Variants in LMO7 observed in about 807,000 individuals in gnomAD.
LMO7 encodes LIM domain only protein 7.
A neutral mutation model predicts 206.5 loss-of-function variants in LMO7; 120 were observed. The observed-to-expected ratio is 0.58, with a 90% CI of 0.50 to 0.68. LMO7 has a LOEUF of 0.68. Among genes scored for constraint, LMO7 ranks in the 30% least tolerant of loss-of-function variants. LMO7 has a pLI of 0.00. For missense variants in LMO7, 1,959 were observed against 1,957.9 expected, an observed-to-expected ratio of 1.00 and a Z score of -0.01; for synonymous variants, 706 against 681.5, an observed-to-expected ratio of 1.04 and a Z score of -0.56.
intron 3 of LMO7, among the ~76,000 whole-genome samples, chr13:75,744,996 C>T (rs1262705961): frequency 6.6e-6 from 1 of 152,160 alleles, no homozygotes; most frequent in African/African-American, 2.4e-5. Flanking sequence ...ATATATAATA[C>T]CTTATCAGTT....
chr13:75,784,810 A>T (rs1355173490), intron 4 of LMO7, among the ~76,000 whole-genome samples: 2 of 152,114 alleles, frequency 1.3e-5, no homozygotes, highest in Admixed American at 6.5e-5. Flanking sequence ...AGATTTTTCT[A>T]TTTAATCTTG....
At chr13:75,813,452 A>G (rs1325801518) in intron 11 of LMO7, among the ~76,000 whole-genome samples, 1 of 152,158 alleles carries the variant, frequency 6.6e-6, no homozygotes, top group Non-Finnish European at 1.5e-5. Context: ...GATGTGTGTT[A>G]GGGTGGGGTG....
chr13:75,625,304 C>A (rs574362535), intron 2 of LMO7, among the ~76,000 whole-genome samples: 2 of 152,220 alleles, frequency 1.3e-5, no homozygotes, highest in East Asian at 1.9e-4. Flanking sequence ...ATTATCTAGA[C>A]CATGCCCAGA....
At chr13:75,835,080 G>T (rs772729760) in intron 17 of LMO7, 153 bp from the exon 18 acceptor site, 1 of 849,230 alleles carries the variant, frequency 1.2e-6, no homozygotes, top group Non-Finnish European at 1.6e-6. Flanking sequence ...TTATATATAT[G>T]TGCATTCAAT....
In LMO7 at chr13:75,712,703, A is replaced by G. The variant is rs146708695; in HGVS notation, c.70-479A>G. Among the ~76,000 whole-genome samples, 18 of 152,320 alleles carry G rather than the reference A, an allele frequency of 1.2e-4. No individual in the cohort carries two copies. In the East Asian group the frequency reaches 3.5e-3, roughly 29 times the overall value. ...TAGGACGATTTCATAAATAAGTTTA[A>G]GAAGTGTCATGCCCTCTGCTGTTTA... On this transcript the variant is annotated intron_variant, in intron 1 of 30. Coordinates refer to ENST00000377534, the MANE Select transcript of LMO7 (RefSeq NM_001306080.2).
intron 1 of LMO7, among the ~76,000 whole-genome samples, chr13:75,705,875 CAG>C (rs1009748566): frequency 3.3e-5 from 5 of 150,654 alleles, no homozygotes; most frequent in East Asian, 1.9e-4. Context: ...TGTCAGAAGA[CAG>C]AAAGTAATTT....
At chr13:75,835,487 G>C in intron 18 of LMO7, 148 bp downstream of exon 18, 1 of 542,118 alleles carries the variant, frequency 1.8e-6, no homozygotes, top group Non-Finnish European at 3.1e-6. Context: ...ATAGTAAAGA[G>C]ATACAGTAAA....
At chr13:75,761,167 T>A in intron 4 of LMO7, 129 bp downstream of exon 4, 3 of 632,014 alleles carry the variant, frequency 4.7e-6, no homozygotes, top group South Asian at 5.2e-5. Context: ...TTTCCTCTGT[T>A]CTCATTCTAA....
chr13:75,710,134 C>T (rs2042974314), intron 1 of LMO7, among the ~76,000 whole-genome samples: 1 of 152,100 alleles, frequency 6.6e-6, no homozygotes, highest in Non-Finnish European at 1.5e-5. Flanking sequence ...TTTCTGAGGG[C>T]TCTGTTCTGT....
chr13:75,629,234 C>T (rs367915273), intron 2 of LMO7, among the ~76,000 whole-genome samples: 1 of 152,258 alleles, frequency 6.6e-6, no homozygotes, highest in East Asian at 1.9e-4. Flanking sequence ...TTCTACTCTG[C>T]TGTTATCAAT....
In LMO7 at chr13:75,621,509, T is replaced by C. The variant is rs2033310881; in HGVS notation, c.-185T>C. On this transcript the variant is annotated 5_prime_UTR_variant, in exon 1 of 30. Coordinates refer to the LMO7 transcript ENST00000341547. ...TTTTTCTTTTTGATAACTATGTTTA[T>C]AGAATCTAAATCACCCTGAGCAATT... The C allele has an allele frequency of 8.5e-6, 3 of 355,006 alleles. No homozygotes were observed. In the East Asian group the frequency reaches 1.3e-4, roughly 15 times the overall value. 22.0% of individuals were successfully genotyped at this position (355,006 alleles called of 1,614,324 possible).
chr13:75,809,262 A>G (rs1187624797), intron 11 of LMO7, 79 bp downstream of exon 11: 4 of 1,196,628 alleles, frequency 3.3e-6, no homozygotes, highest in Non-Finnish European at 5.0e-6. Context: ...CTGGCATGGC[A>G]TGTCACTAAA....
chr13:75,834,353 C>T lies in LMO7; in HGVS notation c.3192C>T (p.His1064=), dbSNP rs201507863. ...TGGCTAAGGCTCAAGAAACTGGACA[C>T]CTAGTGATGGATGTGAGGCGCTATG... is the stretch of plus-strand genomic sequence containing the variant. ...EAMAKAQETG[H]LVMDVRRYGK... The change falls in exon 17 of 31, where the codon CAC becomes CAT. Residue 1064 remains histidine, a synonymous_variant. Coordinates refer to ENST00000377534, the MANE Select transcript of LMO7 (RefSeq NM_001306080.2). 1.5e-5 allele frequency: 24 copies of T among 1,607,004 alleles called. No individual in the cohort carries two copies. The highest frequency in any genetic ancestry group is 2.0e-5 in the Non-Finnish European group (24 of 1,176,720).
At chr13:75,795,822 A>T (rs577031817) in intron 5 of LMO7, among the ~76,000 whole-genome samples, 197 of 152,248 alleles carry the variant, frequency 1.3e-3, no homozygotes, top group Non-Finnish European at 2.4e-3. Flanking sequence ...CTGTCAGGTG[A>T]TGGAGGGAAG....
intron 27 of LMO7, among the ~76,000 whole-genome samples, chr13:75,850,061 T>G (rs1405153497): frequency 3.9e-5 from 6 of 152,092 alleles, no homozygotes. Flanking sequence ...GAGGTTGCAG[T>G]GAGCTGAGAT....
At chr13:75,804,265 C>A in intron 7 of LMO7, 24 bp from the exon 8 acceptor site, 1 of 1,602,652 alleles carries the variant, frequency 6.2e-7, no homozygotes, top group Non-Finnish European at 8.5e-7. Context: ...GAGAGTAAAG[C>A]AAATTCTTGT....
chr13:75,775,671 A>T (rs967079045), intron 4 of LMO7, among the ~76,000 whole-genome samples: 4 of 152,142 alleles, frequency 2.6e-5, no homozygotes, highest in Admixed American at 1.3e-4. Flanking sequence ...TCAAGAGAAG[A>T]TATGTAAGTG....
intron 25 of LMO7, among the ~76,000 whole-genome samples, chr13:75,843,516 G>A (rs985142732): frequency 2.6e-5 from 4 of 152,120 alleles, no homozygotes; most frequent in African/African-American, 9.7e-5. Flanking sequence ...TTTTAAAAAG[G>A]TTATGAATAA....
chr13:75,727,226 T>A lies in LMO7; in HGVS notation c.210+128T>A, dbSNP rs1359512636. 1.6e-5 allele frequency: 9 copies of A among 555,508 alleles called. No homozygotes were observed. In the Admixed American group the frequency reaches 2.0e-4, roughly 12 times the overall value. 34.4% of individuals were successfully genotyped at this position (555,508 alleles called of 1,614,324 possible). ...TTATGGTTTTTTTGCTGAAGCAAAG[T>A]GTGTTTGGTGATGTCCTCCTTTTAT... On this transcript the variant is annotated intron_variant, in intron 3 of 30. Transcript: ENST00000377534.
Sources: allele counts gnomAD v4.1 joint callset (sites outside exome capture counted in the v4.1 genomes callset), GRCh38; gene constraint gnomAD v4.1.1; transcripts MANE v1.5; gene names NCBI Gene and HGNC (gene_info 2026-07-23, HGNC 2026-07-21).